SCHIP1: variants seen among roughly 807,000 people sequenced by gnomAD.
The protein encoded by SCHIP1 is schwannomin interacting protein 1.
In SCHIP1, 8 loss-of-function variants were observed where a neutral mutation model predicts 29.7. That is an observed-to-expected ratio of 0.27 (90% CI 0.16 to 0.49). SCHIP1 has a LOEUF of 0.49. Among genes scored for constraint, SCHIP1 ranks in the 20% least tolerant of loss-of-function variants. The probability of loss-of-function intolerance (pLI) is 0.99; values close to 1 mark genes in which losing one functional copy is unlikely to be tolerated. For missense variants in SCHIP1, 193 were observed against 294.6 expected, an observed-to-expected ratio of 0.66 and a Z score of 2.52; for synonymous variants, 76 against 94.9, an observed-to-expected ratio of 0.80 and a Z score of 1.16.
chr3:159,855,221 A>G (rs963651552), intron 1 of SCHIP1, among the ~76,000 whole-genome samples: 3 of 152,170 alleles, frequency 2.0e-5, no homozygotes, highest in Admixed American at 6.5e-5. Context: ...TCAAATGTTT[A>G]TGTGTATCGT....
the SCHIP1 span, among the ~76,000 whole-genome samples, chr3:159,779,459 A>G: frequency 6.6e-6 from 1 of 151,476 alleles, no homozygotes; most frequent in Non-Finnish European, 1.5e-5. Flanking sequence ...CCTTGAGGTC[A>G]GGAGTTGGAG....
chr3:159,568,899 C>T, the SCHIP1 span, among the ~76,000 whole-genome samples: 2 of 152,088 alleles, frequency 1.3e-5, no homozygotes, highest in Non-Finnish European at 2.9e-5. Flanking sequence ...TTTTATTAGA[C>T]ATATACAAGT....
At chr3:159,561,962 A>G in the SCHIP1 span, among the ~76,000 whole-genome samples, 1 of 152,154 alleles carries the variant, frequency 6.6e-6, no homozygotes, top group African/African-American at 2.4e-5. Context: ...ATTTGTGAAA[A>G]GCAGAAGGAA....
At chr3:159,395,213 T>C in the SCHIP1 span, among the ~76,000 whole-genome samples, 14 of 152,144 alleles carry the variant, frequency 9.2e-5, no homozygotes, top group Admixed American at 2.6e-4. Flanking sequence ...TCTCTCTTTT[T>C]TTCTTTATTA....
At chr3:159,403,412 A>G in the SCHIP1 span, among the ~76,000 whole-genome samples, 2 of 151,948 alleles carry the variant, frequency 1.3e-5, no homozygotes, top group African/African-American at 2.4e-5. Context: ...ACAGTCTCGA[A>G]TTGTCAACAC....
the SCHIP1 span, among the ~76,000 whole-genome samples, chr3:159,796,273 G>T: frequency 6.6e-6 from 1 of 152,076 alleles, no homozygotes; most frequent in East Asian, 1.9e-4. Flanking sequence ...AGACAAGTTG[G>T]GGGCAGTAGA....
the SCHIP1 span, among the ~76,000 whole-genome samples, chr3:159,718,411 G>T: frequency 2.0e-5 from 3 of 152,112 alleles, no homozygotes; most frequent in Non-Finnish European, 2.9e-5. Context: ...GAAATAAAGG[G>T]TATTCAGTTA....
the SCHIP1 span, chr3:159,401,275 T>TC: frequency 1.2e-6 from 1 of 858,152 alleles, no homozygotes; most frequent in Non-Finnish European, 1.4e-6. Context: ...AATGCTGAGC[T>TC]TGCATTTAGT....
the SCHIP1 span, among the ~76,000 whole-genome samples, chr3:159,614,344 A>G: frequency 5.9e-5 from 9 of 152,258 alleles, no homozygotes; most frequent in Non-Finnish European, 1.3e-4. Flanking sequence ...GCAAAATTAT[A>G]CTGTGTCCTA....
At chr3:159,742,674 T>C in the SCHIP1 span, among the ~76,000 whole-genome samples, 1 of 151,044 alleles carries the variant, frequency 6.6e-6, no homozygotes, top group Admixed American at 6.6e-5. Context: ...TTTTTCTTTT[T>C]CTTTTTTTTT....
the SCHIP1 span, among the ~76,000 whole-genome samples, chr3:159,572,385 C>T: frequency 3.9e-5 from 6 of 151,998 alleles, no homozygotes; most frequent in Admixed American, 2.6e-4. Context: ...TTTACCCAGT[C>T]GTCATTCAGG....
the SCHIP1 span, among the ~76,000 whole-genome samples, chr3:159,613,420 A>C: frequency 6.6e-6 from 1 of 152,240 alleles, no homozygotes. Context: ...AGTCAAGTAA[A>C]TAATCAATAG....
chr3:159,589,497 T>G, the SCHIP1 span, among the ~76,000 whole-genome samples: 1 of 152,174 alleles, frequency 6.6e-6, no homozygotes, highest in East Asian at 1.9e-4. Flanking sequence ...TCCAACACTA[T>G]GTTGAATAGG....
chr3:159,404,475 A>G, the SCHIP1 span, among the ~76,000 whole-genome samples: 11 of 152,154 alleles, frequency 7.2e-5, no homozygotes, highest in Non-Finnish European at 1.0e-4. Context: ...GGGACCTTGA[A>G]TGAACTTCAG....
chr3:159,626,251 T>TATAGATAGATAGATAG, the SCHIP1 span, among the ~76,000 whole-genome samples: 5 of 93,736 alleles, frequency 5.3e-5, no homozygotes, highest in African/African-American at 1.2e-4. Flanking sequence ...TATCTATCTA[T>TATAGATAGATAGATAG]ATAGATAGAT....
chr3:159,692,630 T>A, the SCHIP1 span, among the ~76,000 whole-genome samples: 1 of 152,208 alleles, frequency 6.6e-6, no homozygotes, highest in Non-Finnish European at 1.5e-5. Context: ...TCCTCTAAAC[T>A]TTTATCAAGG....
At chr3:159,619,195 C>G in the SCHIP1 span, among the ~76,000 whole-genome samples, 1 of 152,204 alleles carries the variant, frequency 6.6e-6, no homozygotes, top group East Asian at 1.9e-4. Context: ...CTTTTCTCCT[C>G]TTTTTTAATG....
At chr3:159,359,606 A>G in the SCHIP1 span, among the ~76,000 whole-genome samples, 2 of 152,352 alleles carry the variant, frequency 1.3e-5, no homozygotes, top group Non-Finnish European at 2.9e-5. Context: ...CCAAAATGGA[A>G]TTTATTTCTA....
the SCHIP1 span, among the ~76,000 whole-genome samples, chr3:159,564,619 A>C: frequency 6.6e-5 from 10 of 151,694 alleles, no homozygotes; most frequent in Non-Finnish European, 1.3e-4. Context: ...CAGGTGATCC[A>C]CCCGCCGTGG....
Sources: gnomAD v4.1 joint callset for allele counts (sites outside exome capture counted in the v4.1 genomes callset) on GRCh38, gnomAD v4.1.1 for gene constraint, MANE v1.5 for transcripts, NCBI Gene and HGNC (gene_info 2026-07-23, HGNC 2026-07-21) for gene names.